The following TEAD1 variants were observed in gnomAD, a reference collection of about 807,000 sequenced individuals.
TEAD1 encodes transcriptional enhancer factor TEF-1.
A neutral mutation model predicts 54.9 loss-of-function variants in TEAD1; 9 were observed. That is an observed-to-expected ratio of 0.16 (90% CI 0.10 to 0.29). TEAD1 has a LOEUF of 0.29. Among genes scored for constraint, TEAD1 ranks in the 10% least tolerant of loss-of-function variants. The probability of loss-of-function intolerance (pLI) is 1.00; values close to 1 mark genes in which losing one functional copy is unlikely to be tolerated. For synonymous variants in TEAD1, 200 were observed against 187.8 expected (o/e 1.07, Z -0.53); for missense variants, 387 against 535.9 (o/e 0.72, Z 2.74).
At chr11:12,906,981 T>C (rs757490701) in intron 10 of TEAD1, among the ~76,000 whole-genome samples, 4 of 152,226 alleles carry the variant, frequency 2.6e-5, no homozygotes, top group Non-Finnish European at 2.9e-5. Flanking sequence ...CAAGTCTGTG[T>C]GGACATACCG....
chr11:12,927,764 A>G (rs190770598), intron 11 of TEAD1, among the ~76,000 whole-genome samples: 1 of 152,196 alleles, frequency 6.6e-6, no homozygotes, highest in Admixed American at 6.5e-5. Flanking sequence ...ATTTCTAAAT[A>G]TTATATAATA....
At chr11:12,719,949 G>GTTTTTTTTTTTTTT (rs1200965763) in intron 2 of TEAD1, among the ~76,000 whole-genome samples, 2 of 40,016 alleles carry the variant, frequency 5.0e-5, no homozygotes, top group Non-Finnish European at 1.3e-4. Flanking sequence ...GAAATCTAAT[G>GTTTTTTTTTTTTTT]TTTTTTTTTT....
chr11:12,715,147 C>T (rs73421971), intron 2 of TEAD1, among the ~76,000 whole-genome samples: 17,707 of 152,010 alleles, frequency 0.12, 3,472 homozygotes, highest in African/African-American at 0.41. Flanking sequence ...CTTCAGTCAC[C>T]GCTTCCAGTT....
chr11:12,851,075 A>T (rs1157539738), intron 3 of TEAD1: 1 of 983,438 alleles, frequency 1.0e-6, no homozygotes, highest in Non-Finnish European at 1.2e-6. Flanking sequence ...TTTTCTTTAT[A>T]CAAAAGAGGT....
In TEAD1 at chr11:12,862,241, T is replaced by G. The variant is rs1234183592; in HGVS notation, c.203-9T>G. 6.2e-7 allele frequency: 1 copy of G among 1,613,526 alleles called. No homozygotes were observed. Among genetic ancestry groups the G allele is most frequent in the Non-Finnish European group, 8.5e-7 (1 of 1,179,548 alleles). ...AACCCACCTCATGGTAAATTCTTCT[T>G]TCTTTCAGGTAGGAATGAATTGATA... is the stretch of plus-strand genomic sequence containing the variant. On this transcript the variant is annotated splice_polypyrimidine_tract_variant and intron_variant, in intron 3 of 12. Coordinates refer to ENST00000527636, the MANE Select transcript of TEAD1 (RefSeq NM_021961.6).
At position 12,864,910 on chromosome 11, in the gene TEAD1, T is replaced by C. The variant is rs1444194125; in HGVS notation, c.330+10T>C. 2 of 1,614,168 alleles carry C rather than the reference T, an allele frequency of 1.2e-6. No individual in the cohort carries two copies. The highest frequency in any genetic ancestry group is 1.7e-5 in the Admixed American group (1 of 60,020). ...TCATTCCAAGCTAAAGGTATGCGCT[T>C]TTCTGCTTTTTGGCTTGTGGTTGCT... On this transcript the variant is annotated intron_variant, in intron 5 of 12. Coordinates refer to ENST00000527636, the MANE Select transcript of TEAD1 (RefSeq NM_021961.6).
intron 3 of TEAD1, among the ~76,000 whole-genome samples, chr11:12,814,062 C>G (rs1269958164): frequency 1.3e-5 from 2 of 152,174 alleles, no homozygotes; most frequent in African/African-American, 2.4e-5. Flanking sequence ...GTTCTGGGAG[C>G]CGTGTCTCAT....
chr11:12,835,278 C>T (rs1946863509), intron 3 of TEAD1, among the ~76,000 whole-genome samples: 1 of 152,078 alleles, frequency 6.6e-6, no homozygotes, highest in Admixed American at 6.5e-5. Context: ...CAATGTAGGT[C>T]TAGAATTTAT....
intron 3 of TEAD1, chr11:12,827,987 G>T (rs982911965): frequency 2.0e-4 from 31 of 152,212 alleles, no homozygotes; most frequent in African/African-American, 6.0e-4. Context: ...GACATTTCCT[G>T]GTAATGGAAA....
At chr11:12,907,908 C>T (rs139705689) in intron 10 of TEAD1, among the ~76,000 whole-genome samples, 2 of 152,332 alleles carry the variant, frequency 1.3e-5, no homozygotes, top group East Asian at 3.9e-4. Context: ...CCCAACATAG[C>T]TTCACTTAAA....
chr11:12,900,423 G>T (rs902058331), intron 9 of TEAD1, among the ~76,000 whole-genome samples: 2 of 152,160 alleles, frequency 1.3e-5, no homozygotes, highest in Non-Finnish European at 2.9e-5. Context: ...CTTATTAAAA[G>T]AATAATAGCT....
intron 12 of TEAD1, among the ~76,000 whole-genome samples, chr11:12,935,582 C>A (rs1949085000): frequency 6.6e-6 from 1 of 151,648 alleles, no homozygotes; most frequent in African/African-American, 2.4e-5. Flanking sequence ...GCCTCAGCCT[C>A]CTGAGTAGCT....
intron 3 of TEAD1, among the ~76,000 whole-genome samples, chr11:12,781,951 C>CAAAAAAAA (rs71454001): frequency 9.2e-5 from 6 of 65,366 alleles, no homozygotes; most frequent in African/African-American, 4.0e-4. Flanking sequence ...CTCGTCTGTA[C>CAAAAAAAA]AAAAAAAAAA....
chr11:12,818,455 G>A (rs973356053), intron 3 of TEAD1, among the ~76,000 whole-genome samples: 2 of 151,974 alleles, frequency 1.3e-5, no homozygotes, highest in African/African-American at 2.4e-5. Flanking sequence ...AAGGCTTTGG[G>A]GCCTCCCTGG....
At chr11:12,851,291 T>A (rs73427629) in intron 3 of TEAD1, among the ~76,000 whole-genome samples, 5 of 152,170 alleles carry the variant, frequency 3.3e-5, no homozygotes, top group African/African-American at 4.8e-5. Context: ...GTAGCAGATA[T>A]GCGTCTAGAG....
At chr11:12,891,625 A>C (rs1199871805) in intron 9 of TEAD1, among the ~76,000 whole-genome samples, 1 of 152,220 alleles carries the variant, frequency 6.6e-6, no homozygotes, top group Non-Finnish European at 1.5e-5. Context: ...TTTGCCTTTC[A>C]TTCTCAAAAT....
intron 10 of TEAD1, among the ~76,000 whole-genome samples, chr11:12,910,553 C>T (rs1948597887): frequency 6.6e-6 from 1 of 152,050 alleles, no homozygotes; most frequent in Admixed American, 6.6e-5. Context: ...ATCATGTTGC[C>T]AGGTTATAAC....
chr11:12,833,714 C>G (rs1434636094), intron 3 of TEAD1, among the ~76,000 whole-genome samples: 3 of 152,052 alleles, frequency 2.0e-5, no homozygotes, highest in African/African-American at 7.2e-5. Flanking sequence ...ATTTATTCTT[C>G]CTTCCCATTT....
chr11:12,829,293 AGAAT>A (rs1946723559), intron 3 of TEAD1, among the ~76,000 whole-genome samples: 1 of 152,188 alleles, frequency 6.6e-6, no homozygotes, highest in Non-Finnish European at 1.5e-5. Context: ...CATACGTGAG[AGAAT>A]GAATGAACAA....
Sources: allele counts gnomAD v4.1 joint callset (sites outside exome capture counted in the v4.1 genomes callset), GRCh38; gene constraint gnomAD v4.1.1; transcripts MANE v1.5; gene names NCBI Gene and HGNC (gene_info 2026-07-23, HGNC 2026-07-21).